TMEM170B: variants seen among roughly 807,000 people sequenced by gnomAD.
The protein encoded by TMEM170B is transmembrane protein 170B.
TMEM170B carries 6 observed loss-of-function variants against 13.0 expected under a neutral mutation model. The observed-to-expected ratio is 0.46, with a 90% confidence interval of 0.25 to 0.91. The LOEUF is 0.91. TMEM170B is among the 40% of genes least tolerant of loss of function. The pLI is 0.17. For synonymous variants in TMEM170B, 61 were observed against 64.9 expected (o/e 0.94, Z 0.29); for missense variants, 138 against 165.2 (o/e 0.84, Z 0.90).
chr6:11,538,322 G>T lies in TMEM170B; in HGVS notation c.45G>T (p.Val15=). 1 of 1,500,262 alleles carries T rather than the reference G, an allele frequency of 6.7e-7. No individual in the cohort carries two copies. The allele number at this position is 1,500,262 out of a possible 1,614,324, so 92.9% of individuals were successfully genotyped here. A position where few individuals can be genotyped will look rare whatever the true frequency, so the allele number is the denominator to read the frequency against. Residue 15 remains valine (V), a synonymous_variant, in exon 1 of 3, where the codon GTG becomes GTT. Coordinates refer to ENST00000379426, the MANE Select transcript of TMEM170B (RefSeq NM_001100829.3). ...ACCACTCCATGATCAACCTGTCGGT[G>T]CAGCAGGTCCTGAGCCTCTGGGCCC... ...GGDHSMINLS[V]QQVLSLWAHG... is the part of the protein sequence containing the mutation.
At chr6:11,545,329 G>C (rs1363000235) in intron 1 of TMEM170B, among the ~76,000 whole-genome samples, 1 of 129,350 alleles carries the variant, frequency 7.7e-6, no homozygotes, top group Non-Finnish European at 1.8e-5. Flanking sequence ...GTAGTAAGTA[G>C]TAGTAGTAGT....
At chr6:11,570,320 A>G (rs1357860834) in intron 2 of TMEM170B, among the ~76,000 whole-genome samples, 1 of 152,160 alleles carries the variant, frequency 6.6e-6, no homozygotes, top group Non-Finnish European at 1.5e-5. Context: ...GAGAAATACT[A>G]TTAAGCTTTG....
intron 1 of TMEM170B, among the ~76,000 whole-genome samples, chr6:11,541,619 T>G (rs1051442731): frequency 6.6e-6 from 1 of 152,222 alleles, no homozygotes; most frequent in Non-Finnish European, 1.5e-5. Context: ...GATTTGTGTG[T>G]TCACTAGTGT....
At chr6:11,538,668 C>T (rs1185403783) in intron 1 of TMEM170B, among the ~76,000 whole-genome samples, 1 of 152,242 alleles carries the variant, frequency 6.6e-6, no homozygotes, top group Non-Finnish European at 1.5e-5. Flanking sequence ...CGCGGAGTAG[C>T]TTTAGTGCTG....
chr6:11,583,142 A>G lies in TMEM170B; in HGVS notation c.*7581A>G, dbSNP rs1308908821. 1 of 152,170 alleles carries G rather than the reference A, an allele frequency of 6.6e-6. No individual in the cohort carries two copies. Among genetic ancestry groups the G allele is most frequent in the Non-Finnish European group, 1.5e-5 (1 of 68,018 alleles). 9.4% of individuals were successfully genotyped at this position (152,170 alleles called of 1,614,324 possible). On this transcript the variant is annotated 3_prime_UTR_variant, in exon 3 of 3. Coordinates refer to ENST00000379426, the MANE Select transcript of TMEM170B (RefSeq NM_001100829.3). Reference sequence around the variant, plus strand: ...GCCTAGAGATGTTGATCTTTATTTTAAATTATTTTTCACCATTCTCATTTT... The same window carrying G: ...GCCTAGAGATGTTGATCTTTATTTTGAATTATTTTTCACCATTCTCATTTT...
In TMEM170B at chr6:11,537,945, T is replaced by C. The variant is rs1232746662; in HGVS notation, c.-333T>C. ...GTGTCCAGTCCCCGCGGCGCGGCGC[T>C]GCCCCTGAGAGGGAGCGGCGGCGGC... On this transcript the variant is annotated 5_prime_UTR_variant, in exon 1 of 3. Transcript: ENST00000379426. Among the ~76,000 whole-genome samples, 1 of 151,454 alleles carries C rather than the reference T, an allele frequency of 6.6e-6. No homozygotes were observed. The highest frequency in any genetic ancestry group is 6.6e-5 in the Admixed American group (1 of 15,234).
At chr6:11,549,791 A>C (rs1386996956) in intron 1 of TMEM170B, among the ~76,000 whole-genome samples, 1 of 152,198 alleles carries the variant, frequency 6.6e-6, no homozygotes, top group East Asian at 1.9e-4. Context: ...GGAAGAACAC[A>C]ATTTCTTACT....
In TMEM170B at chr6:11,575,738, C is replaced by T; in HGVS notation, c.*177C>T. 7 of 650,836 alleles carry T rather than the reference C, an allele frequency of 1.1e-5. No homozygotes were observed. The South Asian group carries it at 1.4e-4, about 13-fold the overall frequency. The allele number at this position is 650,836 out of a possible 1,614,324, so 40.3% of individuals were successfully genotyped here. A position where few individuals can be genotyped will look rare whatever the true frequency, so the allele number is the denominator to read the frequency against. Reference sequence around the variant, plus strand: ...GCCCTCTGGTGTTCAAGTGATTGCACTACCGCACTGCACCTTATGTGCCTC... The same window carrying T: ...GCCCTCTGGTGTTCAAGTGATTGCATTACCGCACTGCACCTTATGTGCCTC... On this transcript the variant is annotated 3_prime_UTR_variant, in exon 3 of 3. Coordinates refer to ENST00000379426, the MANE Select transcript of TMEM170B (RefSeq NM_001100829.3). This position sits in a 1 kb window ranked among gnomAD's most constrained non-coding sequence, Gnocchi z 4.1.
chr6:11,558,620 A>C (rs900613879), intron 1 of TMEM170B, among the ~76,000 whole-genome samples: 3 of 151,734 alleles, frequency 2.0e-5, no homozygotes, highest in Non-Finnish European at 2.9e-5. Context: ...CCCACTCCCC[A>C]CTCTTATCGC....
intron 1 of TMEM170B, among the ~76,000 whole-genome samples, chr6:11,557,852 C>T (rs1364479180): frequency 6.6e-6 from 1 of 152,150 alleles, no homozygotes; most frequent in Non-Finnish European, 1.5e-5. Context: ...TACAAAAATC[C>T]AGGCCTTAAT....
chr6:11,538,442 G>A, intron 1 of TMEM170B, 68 bp downstream of exon 1: 1 of 1,205,620 alleles, frequency 8.3e-7, no homozygotes. Flanking sequence ...CCTTCCTCGG[G>A]AGGGGACACG....
chr6:11,545,825 G>T (rs1393103735), intron 1 of TMEM170B, among the ~76,000 whole-genome samples: 1 of 134,966 alleles, frequency 7.4e-6, no homozygotes, highest in East Asian at 2.2e-4. Context: ...GGCTAACATG[G>T]TGAAACCCTG....
At chr6:11,541,236 A>G (rs1759356611) in intron 1 of TMEM170B, among the ~76,000 whole-genome samples, 1 of 152,228 alleles carries the variant, frequency 6.6e-6, no homozygotes, top group Non-Finnish European at 1.5e-5. Context: ...CTAGCTGTGC[A>G]AGTCCTAAAT....
chr6:11,542,361 A>G (rs1057401820), intron 1 of TMEM170B, among the ~76,000 whole-genome samples: 11 of 152,204 alleles, frequency 7.2e-5, no homozygotes, highest in African/African-American at 2.7e-4. Flanking sequence ...CAAGTCAACC[A>G]TTAAGCTGAT....
chr6:11,541,861 G>C (rs72834796), intron 1 of TMEM170B, among the ~76,000 whole-genome samples: 1 of 152,044 alleles, frequency 6.6e-6, no homozygotes, highest in African/African-American at 2.4e-5. Context: ...GTATCTCAGG[G>C]AATAGGGAAA....
At position 11,579,486 on chromosome 6, in the gene TMEM170B, ATGT is replaced by A. The variant is rs1482583227; in HGVS notation, c.*3930_*3932del. ...TTTGCAATTGCATTACCAATTGAAT[ATGT>A]TGTTTTGTAAAATTCATCAATTTTG... On this transcript the variant is annotated 3_prime_UTR_variant, in exon 3 of 3. Transcript: ENST00000379426. The A allele has an allele frequency of 6.6e-6, 1 of 152,238 alleles. No individual in the cohort carries two copies. Among genetic ancestry groups the A allele is most frequent in the Non-Finnish European group, 1.5e-5 (1 of 68,040 alleles). 9.4% of individuals were successfully genotyped at this position (152,238 alleles called of 1,614,324 possible). A position where few individuals can be genotyped will look rare whatever the true frequency, so the allele number is the denominator to read the frequency against.
intron 1 of TMEM170B, among the ~76,000 whole-genome samples, chr6:11,560,687 A>T (rs1165213467): frequency 6.6e-6 from 1 of 151,494 alleles, no homozygotes; most frequent in African/African-American, 2.4e-5. Context: ...AAGAATGTAT[A>T]AAATGATATC....
At position 11,538,323 on chromosome 6, in the gene TMEM170B, C is replaced by T; in HGVS notation, c.46C>T (p.Gln16Ter). The stretch of plus-strand genomic sequence containing the variant: ...CCACTCCATGATCAACCTGTCGGTG[C>T]AGCAGGTCCTGAGCCTCTGGGCCCA... ...GDHSMINLSV[Q>*]QVLSLWAHGT... The change falls in exon 1 of 3, where the codon CAG becomes TAG. Residue 16 changes from glutamine to a stop codon, truncating the protein, a stop_gained. Coordinates refer to ENST00000379426, the MANE Select transcript of TMEM170B (RefSeq NM_001100829.3). LOFTEE classifies it high-confidence loss of function. 6.7e-7 allele frequency: 1 copy of T among 1,500,846 alleles called. No homozygotes were observed. 93.0% of individuals were successfully genotyped at this position (1,500,846 alleles called of 1,614,324 possible).
Position 11,537,780 on chromosome 6 carries a change from G to T in TMEM170B, c.-498G>T, listed in dbSNP as rs1759298945. Among the ~76,000 whole-genome samples, 1 of 151,516 alleles carries T rather than the reference G, an allele frequency of 6.6e-6. No homozygotes were observed. The highest frequency in any genetic ancestry group is 1.9e-4 in the East Asian group (1 of 5,132). On this transcript the variant is annotated 5_prime_UTR_variant, in exon 1 of 3. Coordinates refer to ENST00000379426, the MANE Select transcript of TMEM170B (RefSeq NM_001100829.3). ...GTGTCGGCGACCCGAGGGCGGGCAG[G>T]CGGGCGGCAGGTGCCGCCGCAGCCT...
Sources: gnomAD v4.1 joint callset for allele counts (sites outside exome capture counted in the v4.1 genomes callset) on GRCh38, gnomAD v4.1.1 for gene constraint, Gnocchi (gnomAD v3.1) non-coding constraint, MANE v1.5 for transcripts, NCBI Gene and HGNC (gene_info 2026-07-23, HGNC 2026-07-21) for gene names.